Variants in TENM4 observed in about 807,000 individuals in gnomAD.
The protein encoded by TENM4 is teneurin-4.
TENM4 carries 82 observed loss-of-function variants against 243.3 expected under a neutral mutation model. The ratio of observed to expected loss-of-function variants is 0.34; its 90% CI spans 0.28 to 0.40. The LOEUF is 0.40. Ranked by LOEUF, TENM4 falls within the 10% of genes least tolerant of loss-of-function variation. TENM4 has a pLI of 1.00. For synonymous variants in TENM4, 1,412 were observed against 1,456.3 expected, an observed-to-expected ratio of 0.97 and a Z score of 0.69; for missense variants, 3,138 against 3,673.3, an observed-to-expected ratio of 0.85 and a Z score of 3.77.
At chr11:79,064,627 T>C in intron 6 of TENM4, 111 bp downstream of exon 6, 1 of 1,430,002 alleles carries the variant, frequency 7.0e-7, no homozygotes, top group Non-Finnish European at 9.4e-7. Flanking sequence ...AGTAAAGCAA[T>C]TTTTCACCAA....
At chr11:78,933,441 C>T (rs1026947971) in intron 6 of TENM4, among the ~76,000 whole-genome samples, 1 of 152,172 alleles carries the variant, frequency 6.6e-6, no homozygotes, top group Non-Finnish European at 1.5e-5. Flanking sequence ...TCAATTAAGG[C>T]ATAATTAAAG....
At chr11:78,688,352 A>G in intron 28 of TENM4, 126 bp from the exon 29 acceptor site, 1 of 1,045,454 alleles carries the variant, frequency 9.6e-7, no homozygotes, top group Non-Finnish European at 1.4e-6. Flanking sequence ...ATACATTCCC[A>G]TGTCTCCCAC....
At chr11:78,695,583 G>A (rs1255261433) in intron 28 of TENM4, among the ~76,000 whole-genome samples, 1 of 151,946 alleles carries the variant, frequency 6.6e-6, no homozygotes, top group Non-Finnish European at 1.5e-5. Flanking sequence ...GGCTGGTCTC[G>A]AACTCCTGAC....
intron 6 of TENM4, among the ~76,000 whole-genome samples, chr11:79,042,540 G>A (rs1405408688): frequency 6.6e-6 from 1 of 152,202 alleles, no homozygotes; most frequent in Non-Finnish European, 1.5e-5. Flanking sequence ...CAGAGGGCAA[G>A]CCCTCACCAG....
intron 9 of TENM4, among the ~76,000 whole-genome samples, chr11:78,868,286 C>T (rs1182902218): frequency 6.6e-6 from 1 of 152,172 alleles, no homozygotes; most frequent in Admixed American, 6.5e-5. Context: ...AAACCTTCCT[C>T]AAGTACACTC....
At chr11:78,834,841 C>T (rs191262597) in intron 12 of TENM4, among the ~76,000 whole-genome samples, 5 of 152,266 alleles carry the variant, frequency 3.3e-5, no homozygotes, top group African/African-American at 9.6e-5. Flanking sequence ...GCTGCTTCCA[C>T]GTCACATAGA....
At chr11:78,968,705 T>C (rs1473536636) in intron 6 of TENM4, among the ~76,000 whole-genome samples, 2 of 152,174 alleles carry the variant, frequency 1.3e-5, no homozygotes, top group Admixed American at 6.5e-5. Flanking sequence ...GGAAAATTCA[T>C]CTCCATTTTT....
intron 31 of TENM4, among the ~76,000 whole-genome samples, 190 bp from the exon 32 acceptor site, chr11:78,670,741 A>G (rs1590927670): frequency 6.6e-6 from 1 of 152,298 alleles, no homozygotes; most frequent in Middle Eastern, 3.4e-3. Context: ...TAGGTTACAG[A>G]TGTGCCAAGA....
intron 2 of TENM4, among the ~76,000 whole-genome samples, chr11:79,265,276 G>T (rs1009332744): frequency 2.0e-5 from 3 of 152,084 alleles, no homozygotes; most frequent in African/African-American, 4.8e-5. Context: ...GGTGGGTCTC[G>T]GACATTCCTT....
At chr11:79,426,456 C>A (rs1256854981) in intron 1 of TENM4, among the ~76,000 whole-genome samples, 2 of 152,202 alleles carry the variant, frequency 1.3e-5, no homozygotes, top group Non-Finnish European at 2.9e-5. Context: ...CAAGACCTTA[C>A]TCAGCTCCAT....
chr11:78,800,281 G>A (rs1349122757), intron 15 of TENM4, among the ~76,000 whole-genome samples: 1 of 152,210 alleles, frequency 6.6e-6, no homozygotes, highest in African/African-American at 2.4e-5. Context: ...AAAAGTTGAT[G>A]AGGCATTCAG....
Position 79,140,046 on chromosome 11 carries a change from A to C in TENM4, c.-66+8664T>G, listed in dbSNP as rs1449036462. ...GCATGGTCTCTTATTCACTCTGGAC[A>C]CTCCTTGTCAGGGCACAGAGCCCTT... is the stretch of plus-strand genomic sequence containing the variant. On this transcript the variant is annotated intron_variant, in intron 4 of 33. Transcript: ENST00000278550. Among the ~76,000 whole-genome samples the C allele has an allele frequency of 2.0e-5, 3 of 151,030 alleles. No individual in the cohort carries two copies. In the Admixed American group the frequency reaches 2.0e-4, roughly 10 times the overall value.
chr11:78,796,666 A>T (rs1019986260), intron 15 of TENM4, among the ~76,000 whole-genome samples: 3 of 152,162 alleles, frequency 2.0e-5, no homozygotes, highest in Admixed American at 1.3e-4. Flanking sequence ...CAAAGACAGA[A>T]AAAACCTAAA....
intron 17 of TENM4, among the ~76,000 whole-genome samples, chr11:78,775,366 T>C (rs1393820649): frequency 1.3e-5 from 2 of 152,188 alleles, no homozygotes; most frequent in Non-Finnish European, 2.9e-5. Context: ...CAATGAATCA[T>C]TGAGGTGCCA....
At chr11:79,237,864 T>C (rs897689216) in intron 2 of TENM4, among the ~76,000 whole-genome samples, 6 of 152,204 alleles carry the variant, frequency 3.9e-5, no homozygotes, top group African/African-American at 1.4e-4. Flanking sequence ...CTGAGGGACT[T>C]CCAGATAATC....
At chr11:79,034,705 C>T (rs959175884) in intron 6 of TENM4, among the ~76,000 whole-genome samples, 3 of 152,014 alleles carry the variant, frequency 2.0e-5, no homozygotes, top group South Asian at 2.1e-4. Flanking sequence ...TGTGGTCAGA[C>T]GGGCCTGGAA....
At chr11:79,060,540 G>A (rs555524518) in intron 6 of TENM4, among the ~76,000 whole-genome samples, 2 of 152,298 alleles carry the variant, frequency 1.3e-5, no homozygotes, top group East Asian at 3.9e-4. Context: ...AGGTTGCTGG[G>A]GGTTATGCTT....
intron 1 of TENM4, among the ~76,000 whole-genome samples, chr11:79,380,308 G>C (rs1391566731): frequency 1.2e-4 from 18 of 151,260 alleles, no homozygotes; most frequent in African/African-American, 4.1e-4. Context: ...AGACAGTGTA[G>C]GGAAAAAAAA....
chr11:78,740,782 G>C (rs1855912467), intron 19 of TENM4, among the ~76,000 whole-genome samples: 1 of 152,138 alleles, frequency 6.6e-6, no homozygotes, highest in Non-Finnish European at 1.5e-5. Context: ...GGCTGTCCTG[G>C]CTGCTGCCCC....
Sources: allele counts gnomAD v4.1 joint callset (sites outside exome capture counted in the v4.1 genomes callset), GRCh38; gene constraint gnomAD v4.1.1; transcripts MANE v1.5; gene names NCBI Gene and HGNC (gene_info 2026-07-23, HGNC 2026-07-21).